The following PCNP variants were observed in gnomAD, a reference collection of about 807,000 sequenced individuals.
PCNP encodes the protein PEST proteolytic signal-containing nuclear protein.
A neutral mutation model predicts 21.8 loss-of-function variants in PCNP; 6 were observed. The observed-to-expected ratio is 0.28, with a 90% CI of 0.15 to 0.54. PCNP has a LOEUF of 0.54. Among genes scored for constraint, PCNP ranks in the 20% least tolerant of loss-of-function variants. The probability of loss-of-function intolerance (pLI) is 0.95; values close to 1 mark genes in which losing one functional copy is unlikely to be tolerated. For missense variants in PCNP, 161 were observed against 215.5 expected, an observed-to-expected ratio of 0.75 and a Z score of 1.58; for synonymous variants, 67 against 73.2, an observed-to-expected ratio of 0.92 and a Z score of 0.43.
At chr3:101,579,746 C>T in intron 1 of PCNP, 44 bp from the exon 2 acceptor site, 1 of 1,343,472 alleles carries the variant, frequency 7.4e-7, no homozygotes, top group Non-Finnish European at 1.1e-6. Flanking sequence ...TCAATCTGCT[C>T]AGTAAAAATA....
chr3:101,592,173 G>GT (rs771130430), intron 4 of PCNP, among the ~76,000 whole-genome samples: 28 of 150,518 alleles, frequency 1.9e-4, no homozygotes, highest in Non-Finnish European at 3.0e-4. Flanking sequence ...TTTGTTTTTT[G>GT]TTTTTTTGTT....
chr3:101,578,610 T>C (rs1412004495), intron 1 of PCNP, among the ~76,000 whole-genome samples: 5 of 152,252 alleles, frequency 3.3e-5, no homozygotes, highest in Middle Eastern at 3.2e-3. Flanking sequence ...ATTTTTCATC[T>C]AAACAGAATC....
Position 101,577,208 on chromosome 3 carries a change from C to G in PCNP, c.65-2582C>G, listed in dbSNP as rs573026044. Among the ~76,000 whole-genome samples, 35 of 151,984 alleles carry G rather than the reference C, an allele frequency of 2.3e-4. No individual in the cohort carries two copies. In the South Asian group the frequency reaches 7.0e-3, roughly 31 times the overall value. ...AGGGTAAAATTGGTAGTTTTTTTTT[C>G]TCCTCCCTTTGGTTAAATCTTTGTA... On this transcript the variant is annotated intron_variant, in intron 1 of 4. Transcript: ENST00000265260.
chr3:101,586,807 C>G (rs550455674), intron 3 of PCNP, among the ~76,000 whole-genome samples: 1 of 152,186 alleles, frequency 6.6e-6, no homozygotes, highest in Non-Finnish European at 1.5e-5. Context: ...CTGCCTTGGC[C>G]TCCCATAATG....
At chr3:101,590,407 T>C (rs1935744799) in intron 4 of PCNP, 137 bp downstream of exon 4, 1 of 584,152 alleles carries the variant, frequency 1.7e-6, no homozygotes, top group Non-Finnish European at 3.1e-6. Context: ...TTCTGTGTAC[T>C]AGATGATTAA....
At chr3:101,592,147 G>GT (rs1238935224) in intron 4 of PCNP, among the ~76,000 whole-genome samples, 1 of 150,706 alleles carries the variant, frequency 6.6e-6, no homozygotes, top group African/African-American at 2.4e-5. Flanking sequence ...TTTGTTTTTT[G>GT]TTTTTTTGTG....
Position 101,575,490 on chromosome 3 carries a change from T to A in PCNP, c.64+1211T>A, listed in dbSNP as rs115149819. On this transcript the variant is annotated intron_variant, in intron 1 of 4. Transcript: ENST00000265260. Reference sequence around the variant, plus strand: ...CCCCACCCCCTGTCTTTTTTTTTTTTTATAACTAGTAAAATACCTTATGAA... The same window carrying A: ...CCCCACCCCCTGTCTTTTTTTTTTTATATAACTAGTAAAATACCTTATGAA... Among the ~76,000 whole-genome samples, 484 of 151,782 alleles carry A rather than the reference T, an allele frequency of 3.2e-3. 1 individual carries two copies. Among genetic ancestry groups the A allele is most frequent in the African/African-American group, 0.011 (454 of 41,458 alleles).
At position 101,579,648 on chromosome 3, in the gene PCNP, C is replaced by T; in HGVS notation, c.65-142C>T. On this transcript the variant is annotated intron_variant, in intron 1 of 4. Transcript: ENST00000265260. ...TCTCAGTTCCTGCTGTATACTCTAA[C>T]AAACAGTGGAAGAGACTGTTGGGTC... 4.1e-6 allele frequency: 3 copies of T among 729,012 alleles called. No individual in the cohort carries two copies. In the East Asian group the frequency reaches 7.9e-5, roughly 19 times the overall value. The allele number at this position is 729,012 out of a possible 1,614,324, so 45.2% of individuals were successfully genotyped here. A position where few individuals can be genotyped will look rare whatever the true frequency, so the allele number is the denominator to read the frequency against.
At chr3:101,589,697 C>T in intron 3 of PCNP, 1 of 158,222 alleles carries the variant, frequency 6.3e-6, no homozygotes, top group Non-Finnish European at 1.4e-5. Context: ...CAGGTGTGAG[C>T]CACTGCACCC....
intron 4 of PCNP, among the ~76,000 whole-genome samples, chr3:101,592,220 C>T (rs547846653): frequency 9.9e-5 from 15 of 152,076 alleles, no homozygotes; most frequent in Non-Finnish European, 2.1e-4. Context: ...GTTGCCCAGG[C>T]TGGAGTGCAG....
chr3:101,579,570 G>A, intron 1 of PCNP: 1 of 682,510 alleles, frequency 1.5e-6, no homozygotes, highest in Non-Finnish European at 2.7e-6. Context: ...ATTTTAAATT[G>A]CTCTGTATTT....
At chr3:101,585,838 C>T (rs1284398969) in intron 3 of PCNP, among the ~76,000 whole-genome samples, 1 of 151,968 alleles carries the variant, frequency 6.6e-6, no homozygotes, top group African/African-American at 2.4e-5. Context: ...TAGTTGGGGT[C>T]TTCAGTAATG....
At chr3:101,576,391 C>A (rs1208668173) in intron 1 of PCNP, 4 of 974,488 alleles carry the variant, frequency 4.1e-6, no homozygotes, top group East Asian at 2.7e-5. Flanking sequence ...CGGGCCACCA[C>A]GCCCAGCTAA....
intron 3 of PCNP, among the ~76,000 whole-genome samples, chr3:101,588,139 C>T (rs1421740583): frequency 1.3e-5 from 2 of 152,086 alleles, no homozygotes; most frequent in East Asian, 3.9e-4. Flanking sequence ...GGCGTGGTGG[C>T]ATAAGCCTGT....
rs532447090 is a variant in PCNP, at chr3:101,577,257, AAATAATGTTAAG to A, written c.65-2530_65-2519del. Among the ~76,000 whole-genome samples, 8 of 152,270 alleles carry A rather than the reference AAATAATGTTAAG, an allele frequency of 5.3e-5. No individual in the cohort carries two copies. In the East Asian group the frequency reaches 1.5e-3, roughly 29 times the overall value. The stretch of plus-strand genomic sequence containing the variant: ...TAGCTGTTTGAAATAATGTTAGGAG[AAATAATGTTAAG>A]AAAAATGTTAAAGAAGAGCTAGTCA... On this transcript the variant is annotated intron_variant, in intron 1 of 4. Coordinates refer to ENST00000265260, the MANE Select transcript of PCNP (RefSeq NM_020357.3).
chr3:101,576,890 T>C, intron 1 of PCNP: 3 of 1,605,746 alleles, frequency 1.9e-6, no homozygotes, highest in Non-Finnish European at 2.6e-6. Flanking sequence ...TGCCCATCGA[T>C]GTTGGTGTTG....
In PCNP at chr3:101,593,319, G is replaced by A. The variant is rs1242302368; in HGVS notation, c.*566G>A. 1.3e-5 allele frequency: 2 copies of A among 152,524 alleles called. No homozygotes were observed. The highest frequency in any genetic ancestry group is 2.4e-5 in the African/African-American group (1 of 41,426). The allele number at this position is 152,524 out of a possible 1,614,324, so 9.4% of individuals were successfully genotyped here. A position where few individuals can be genotyped will look rare whatever the true frequency, so the allele number is the denominator to read the frequency against. On this transcript the variant is annotated 3_prime_UTR_variant, in exon 5 of 5. Transcript: ENST00000265260. ...TGCATTGCTATCCGTGGATACAGAC[G>A]CTTAGCTCTTAAAAGATTTTTTTTT...
In PCNP at chr3:101,579,903, G is replaced by A. The variant is rs139495194; in HGVS notation, c.178G>A (p.Asp60Asn). The A allele has an allele frequency of 2.7e-5, 43 of 1,613,976 alleles. 1 individual carries two copies. In the East Asian group the frequency reaches 4.2e-4, roughly 16 times the overall value. Residue 60 changes from aspartate to asparagine, a missense_variant, in exon 2 of 5, where the codon GAC becomes AAC. Asp to Asn is a conservative substitution (Grantham distance 23). Around this residue, in one of 4 missense-constraint regions of PCNP, gnomAD observed 46 missense variants for 39.3 expected, o/e 1.17. Coordinates refer to ENST00000265260, the MANE Select transcript of PCNP (RefSeq NM_020357.3). ...GCGATCAGCTGAAGAAGAAGCTGCC[G>A]ACCTCCCAACAAAGCCTACAAAGAT... The part of the protein sequence containing the change: ...EKRSAEEEAA[D>N]LPTKPTKISK...
chr3:101,583,036 A>C (rs1377147925), intron 2 of PCNP, among the ~76,000 whole-genome samples: 4 of 152,222 alleles, frequency 2.6e-5, no homozygotes, highest in Non-Finnish European at 2.9e-5. Flanking sequence ...GAGGATGCAG[A>C]AAGTGGTGAG....
Sources: allele counts gnomAD v4.1 joint callset (sites outside exome capture counted in the v4.1 genomes callset), GRCh38; gene constraint gnomAD v4.1.1; regional missense constraint gnomAD v4.1.1; transcripts MANE v1.5; gene names NCBI Gene and HGNC (gene_info 2026-07-23, HGNC 2026-07-21).